The following STAG2 variants were observed in gnomAD, a reference collection of about 807,000 sequenced individuals.
The protein encoded by STAG2 is cohesin subunit SA-2.
A neutral mutation model predicts 108.1 loss-of-function variants in STAG2; 14 were observed. The ratio of observed to expected loss-of-function variants is 0.13; its 90% CI spans 0.09 to 0.20. The LOEUF is 0.20. Among genes scored for constraint, STAG2 ranks in the 10% least tolerant of loss-of-function variants. The pLI, the probability that STAG2 is intolerant of heterozygous loss-of-function variation, is 1.00. For missense variants in STAG2, 440 were observed against 940.9 expected (o/e 0.47, Z 6.96); for synonymous variants, 307 against 302.7 (o/e 1.01, Z -0.15).
At chrX:124,043,785 C>G (rs770760828) in intron 7 of STAG2, among the ~76,000 whole-genome samples, 9 of 111,196 alleles carry the variant, frequency 8.1e-5, no homozygotes, top group Non-Finnish European at 1.3e-4. Flanking sequence ...GTTGTCCCCC[C>G]CTTACCTCCC....
intron 14 of STAG2, 117 bp downstream of exon 14, chrX:124,056,352 A>G (rs2058194843): frequency 3.0e-6 from 1 of 338,539 alleles, no homozygotes; most frequent in Non-Finnish European, 4.7e-6. Flanking sequence ...ATTACTACAG[A>G]TCATATCGAA....
chrX:124,013,967 A>G (rs976437715), intron 1 of STAG2, among the ~76,000 whole-genome samples: 2 of 111,473 alleles, frequency 1.8e-5, no homozygotes, highest in African/African-American at 6.5e-5. Context: ...TAGGTTTTCT[A>G]CAGACATCAA....
rs375214386 is a variant in STAG2, at chrX:124,061,390, G to A, written c.1534+49G>A. 16 of 893,999 alleles carry A rather than the reference G, an allele frequency of 1.8e-5. No homozygotes were observed. In the East Asian group the frequency reaches 4.1e-4, roughly 23 times the overall value. The allele number at this position is 893,999 out of a possible 1,213,427, so 73.7% of individuals were successfully genotyped here. A position where few individuals can be genotyped will look rare whatever the true frequency, so the allele number is the denominator to read the frequency against. On this transcript the variant is annotated intron_variant, in intron 16 of 34. Coordinates refer to ENST00000371145, the MANE Select transcript of STAG2 (RefSeq NM_001042750.2). ...TTTTGTTTAGACAGTTTTGTAAGTA[G>A]ATTTTTACTCATTCCATTTATTTGT...
chrX:124,047,563 T>A (rs2057911626), intron 9 of STAG2, 58 bp downstream of exon 9: 1 of 1,015,944 alleles, frequency 9.8e-7, no homozygotes, highest in South Asian at 2.1e-5. Context: ...CACCATTAAT[T>A]AGGATATAAC....
chrX:124,030,389 A>G (rs1322769810), intron 4 of STAG2, among the ~76,000 whole-genome samples: 2 of 111,983 alleles, frequency 1.8e-5, no homozygotes, highest in Non-Finnish European at 3.8e-5. Context: ...GTGATTTTAT[A>G]TTACTTTTCA....
chrX:124,029,144 G>A (rs957926835), intron 4 of STAG2, among the ~76,000 whole-genome samples: 1 of 107,019 alleles, frequency 9.3e-6, no homozygotes, highest in African/African-American at 3.4e-5. Context: ...AGCCTCCTGA[G>A]TAGCTGGGAC....
intron 1 of STAG2, among the ~76,000 whole-genome samples, chrX:123,982,680 C>A (rs1209443346): frequency 9.0e-6 from 1 of 110,569 alleles, no homozygotes; most frequent in Non-Finnish European, 1.9e-5. Flanking sequence ...AGCCACCGCA[C>A]CCTGCCGGAA....
intron 32 of STAG2, among the ~76,000 whole-genome samples, chrX:124,093,659 T>G (rs1175417646): frequency 9.1e-6 from 1 of 110,480 alleles, no homozygotes; most frequent in Non-Finnish European, 1.9e-5. Flanking sequence ...GTCATTTTTT[T>G]GGTCTCTGTT....
chrX:124,061,368 T>TGTTTAGACA, intron 16 of STAG2, 27 bp downstream of exon 16: 1 of 1,074,730 alleles, frequency 9.3e-7, no homozygotes, highest in Non-Finnish European at 1.3e-6. Context: ...ATGATATTTT[T>TGTTTAGACA]GTTTAGACAG....
intron 28 of STAG2, among the ~76,000 whole-genome samples, chrX:124,082,115 T>C (rs1373397565): frequency 4.5e-5 from 5 of 112,013 alleles, no homozygotes; most frequent in African/African-American, 1.3e-4. Context: ...ATTACACATC[T>C]TTTTTATCAA....
intron 5 of STAG2, among the ~76,000 whole-genome samples, chrX:124,033,667 C>T (rs1205424348): frequency 9.0e-6 from 1 of 111,282 alleles, no homozygotes; most frequent in Non-Finnish European, 1.9e-5. Context: ...GAGGCTTAGG[C>T]AGGAGAATCA....
chrX:123,966,182 G>T (rs1299773934), intron 1 of STAG2, among the ~76,000 whole-genome samples: 1 of 110,526 alleles, frequency 9.0e-6, no homozygotes, highest in Admixed American at 9.7e-5. Context: ...AAAGTTTTTG[G>T]CTGGGCACCA....
intron 3 of STAG2, 111 bp from the exon 4 acceptor site, chrX:124,025,729 T>C: frequency 2.2e-6 from 1 of 462,740 alleles, no homozygotes; most frequent in Non-Finnish European, 3.6e-6. Flanking sequence ...AATGCTAATA[T>C]GAAGTTTTGT....
At chrX:124,019,451 T>C (rs1394554423) in intron 1 of STAG2, among the ~76,000 whole-genome samples, 1 of 111,332 alleles carries the variant, frequency 9.0e-6, no homozygotes, top group African/African-American at 3.3e-5. Context: ...CAAGGATCAT[T>C]GTTCTCCTGT....
intron 1 of STAG2, among the ~76,000 whole-genome samples, chrX:124,015,085 C>T (rs1170732106): frequency 1.1e-5 from 1 of 91,826 alleles, no homozygotes; most frequent in Non-Finnish European, 2.0e-5. Flanking sequence ...CTCCCGGGTT[C>T]ACGCCATTCT....
At chrX:124,097,925 A>G (rs2059424396) in intron 34 of STAG2, among the ~76,000 whole-genome samples, 1 of 110,528 alleles carries the variant, frequency 9.0e-6, no homozygotes, top group Non-Finnish European at 1.9e-5. Flanking sequence ...TGTGATCAAA[A>G]TTAATATGGG....
rs551373752 is a variant in STAG2, at chrX:124,029,392, C to T, written c.124-1569C>T. Among the ~76,000 whole-genome samples, 4 of 108,549 alleles carry T rather than the reference C, an allele frequency of 3.7e-5. No individual in the cohort carries two copies. The South Asian group carries it at 1.6e-3, about 43-fold the overall frequency. The allele number at this position is 108,549 out of a possible 115,157, so 94.3% of individuals were successfully genotyped here. A position where few individuals can be genotyped will look rare whatever the true frequency, so the allele number is the denominator to read the frequency against. ...GTGGTGTGATCTCGGCTCACTGCAG[C>T]CTCCACCTCCTGGGTTCAAGCAATT... On this transcript the variant is annotated intron_variant, in intron 4 of 34. Coordinates refer to ENST00000371145, the MANE Select transcript of STAG2 (RefSeq NM_001042750.2).
Position 123,990,284 on chromosome X carries a change from A to G in STAG2, c.-163+28428A>G, listed in dbSNP as rs371883981. Reference sequence around the variant, plus strand: ...TCTGATTGATTGTGGAAAGCAAGCAATTGGGGGCTGAAGTGAAGTTACAAA... The same window carrying G: ...TCTGATTGATTGTGGAAAGCAAGCAGTTGGGGGCTGAAGTGAAGTTACAAA... On this transcript the variant is annotated intron_variant, in intron 1 of 34. Coordinates refer to ENST00000371145, the MANE Select transcript of STAG2 (RefSeq NM_001042750.2). Among the ~76,000 whole-genome samples the G allele has an allele frequency of 2.7e-5, 3 of 111,604 alleles. No homozygotes were observed. The East Asian group carries it at 8.5e-4, about 31-fold the overall frequency.
chrX:123,971,896 A>T (rs1270491963), intron 1 of STAG2, among the ~76,000 whole-genome samples: 2 of 112,167 alleles, frequency 1.8e-5, no homozygotes, highest in African/African-American at 6.5e-5. Context: ...TTTGAAGGTA[A>T]ACTGATTCTG....
Sources: gnomAD v4.1 joint callset for allele counts (sites outside exome capture counted in the v4.1 genomes callset) on GRCh38, gnomAD v4.1.1 for gene constraint, MANE v1.5 for transcripts, NCBI Gene and HGNC (gene_info 2026-07-23, HGNC 2026-07-21) for gene names.